TMEM138: variants seen among roughly 807,000 people sequenced by gnomAD.
TMEM138 encodes transmembrane protein 138.
Under a neutral mutation model 18.1 loss-of-function variants are expected in TMEM138, and 9 were observed. The observed-to-expected ratio is 0.50, with a 90% CI of 0.30 to 0.87. The LOEUF (loss-of-function observed/expected upper bound fraction) is 0.87. Among genes scored for constraint, TMEM138 ranks in the 40% least tolerant of loss-of-function variants. The probability of loss-of-function intolerance (pLI) is 0.06; values close to 1 mark genes in which losing one functional copy is unlikely to be tolerated. For synonymous variants in TMEM138, 79 were observed against 74.8 expected, an observed-to-expected ratio of 1.06 and a Z score of -0.29; for missense variants, 189 against 190.6, an observed-to-expected ratio of 0.99 and a Z score of 0.05.
chr11:61,373,157 A>G (rs1016600467), downstream of TMEM138, among the ~76,000 whole-genome samples: 2 of 152,172 alleles, frequency 1.3e-5, no homozygotes, highest in African/African-American at 4.8e-5. Context: ...AATAAACTTC[A>G]TTCCTGAAGC....
downstream of TMEM138, among the ~76,000 whole-genome samples, chr11:61,376,055 A>C (rs970061190): frequency 6.6e-6 from 1 of 152,248 alleles, no homozygotes; most frequent in African/African-American, 2.4e-5. Flanking sequence ...CCTATGTAAA[A>C]AATAATTATT....
downstream of TMEM138, among the ~76,000 whole-genome samples, chr11:61,370,697 G>A (rs1056195197): frequency 6.6e-6 from 1 of 152,170 alleles, no homozygotes; most frequent in Non-Finnish European, 1.5e-5. Context: ...TGGCAGGGTC[G>A]CCAAGCTTTT....
Position 61,362,406 on chromosome 11 carries a change from C to T in TMEM138, c.-154C>T, listed in dbSNP as rs981176061. On this transcript the variant is annotated 5_prime_UTR_variant, in exon 1 of 5. In the 5' UTR this introduces an upstream ATG that the reference lacks. Coordinates refer to ENST00000278826, the MANE Select transcript of TMEM138 (RefSeq NM_016464.5). ...GGGACGATGTCCGCATGACAACCGACGTTGGAGTTTGGAGGTGAGAGTGAT... is the reference window on the plus strand; with the variant it reads ...GGGACGATGTCCGCATGACAACCGATGTTGGAGTTTGGAGGTGAGAGTGAT... 5 of 152,224 alleles carry T rather than the reference C, an allele frequency of 3.3e-5. No individual in the cohort carries two copies. Among genetic ancestry groups the T allele is most frequent in the African/African-American group, 9.6e-5 (4 of 41,454 alleles). 9.4% of individuals were successfully genotyped at this position (152,224 alleles called of 1,614,324 possible).
intron 1 of TMEM138, 22 bp from the exon 2 acceptor site, chr11:61,364,230 G>C (rs539388785): frequency 1.0e-4 from 78 of 754,472 alleles, no homozygotes; most frequent in Non-Finnish European, 1.6e-4. Flanking sequence ...TTCTAACCTT[G>C]CTTATCTTTT....
chr11:61,376,744 C>T (rs1858440902), downstream of TMEM138, among the ~76,000 whole-genome samples: 1 of 152,118 alleles, frequency 6.6e-6, no homozygotes, highest in Non-Finnish European at 1.5e-5. Context: ...GTTGTTCTCC[C>T]TTCCTCCCCC....
chr11:61,365,264 T>C (rs1858100049), intron 2 of TMEM138, among the ~76,000 whole-genome samples: 1 of 151,962 alleles, frequency 6.6e-6, no homozygotes, highest in Non-Finnish European at 1.5e-5. Flanking sequence ...AAACATAATT[T>C]TATTTTTTTT....
intron 4 of TMEM138, 62 bp downstream of exon 4, chr11:61,368,060 C>A: frequency 8.5e-7 from 1 of 1,175,072 alleles, no homozygotes; most frequent in Non-Finnish European, 1.3e-6. Context: ...TCAGTGAGGG[C>A]CTTGATGCTG....
At chr11:61,375,978 G>A (rs182837026), downstream of TMEM138, among the ~76,000 whole-genome samples, 375 of 152,236 alleles carry the variant, frequency 2.5e-3, 4 homozygotes, top group South Asian at 0.036. Flanking sequence ...GGCTGGGCTC[G>A]GCTTTTAAAA....
chr11:61,372,559 G>T (rs376060754), downstream of TMEM138, among the ~76,000 whole-genome samples: 2 of 151,946 alleles, frequency 1.3e-5, no homozygotes, highest in South Asian at 2.1e-4. Flanking sequence ...AAGGCGGGGG[G>T]ATCGTGAAGT....
At chr11:61,366,335 T>G in intron 3 of TMEM138, 119 bp downstream of exon 3, 1 of 1,188,684 alleles carries the variant, frequency 8.4e-7, no homozygotes, top group Non-Finnish European at 1.1e-6. Flanking sequence ...TGCTTCTGCC[T>G]CCCAAGCTCA....
At chr11:61,364,714 A>G in intron 2 of TMEM138, 196 bp downstream of exon 2, 1 of 609,972 alleles carries the variant, frequency 1.6e-6, no homozygotes, top group Non-Finnish European at 2.7e-6. Flanking sequence ...ACATAGCAAG[A>G]CCCTGTCTCT....
downstream of TMEM138, among the ~76,000 whole-genome samples, chr11:61,374,254 TCTC>T (rs1036475408): frequency 2.0e-5 from 3 of 150,764 alleles, no homozygotes; most frequent in African/African-American, 7.3e-5. Context: ...TTCAAGCAAT[TCTC>T]CTGCATCAGC....
chr11:61,362,460 G>A (rs1336825243), intron 1 of TMEM138, 40 bp downstream of exon 1: 4 of 152,314 alleles, frequency 2.6e-5, no homozygotes, highest in Non-Finnish European at 5.9e-5. Flanking sequence ...GTGACCAGAA[G>A]TCAGAATTTT....
At chr11:61,366,329 T>TGAG in intron 3 of TMEM138, 113 bp downstream of exon 3, 1 of 1,237,158 alleles carries the variant, frequency 8.1e-7, no homozygotes, top group Non-Finnish European at 1.1e-6. Context: ...TTCTCCTGCT[T>TGAG]CTGCCTCCCA....
At chr11:61,366,266 G>C in intron 3 of TMEM138, 50 bp downstream of exon 3, 1 of 1,575,406 alleles carries the variant, frequency 6.3e-7, no homozygotes, top group South Asian at 1.2e-5. Flanking sequence ...TTAAATAGAG[G>C]TGGGGTCTTA....
chr11:61,371,219 G>C (rs977419229), downstream of TMEM138, among the ~76,000 whole-genome samples: 1 of 152,072 alleles, frequency 6.6e-6, no homozygotes, highest in Non-Finnish European at 1.5e-5. Flanking sequence ...ATTTTTAGTA[G>C]AGATGGGACT....
At chr11:61,367,901 G>T (rs775369502) in intron 3 of TMEM138, 22 bp from the exon 4 acceptor site, 3 of 1,560,474 alleles carry the variant, frequency 1.9e-6, no homozygotes, top group South Asian at 2.2e-5. Flanking sequence ...ATTAACTTTT[G>T]TGTATCTCAC....
chr11:61,370,911 G>A (rs1470113346), downstream of TMEM138, among the ~76,000 whole-genome samples: 3 of 152,188 alleles, frequency 2.0e-5, no homozygotes, highest in Non-Finnish European at 4.4e-5. Flanking sequence ...CAGTTGGCTA[G>A]CCTGCAGTGA....
chr11:61,374,306 C>G (rs571000735), downstream of TMEM138, among the ~76,000 whole-genome samples: 1 of 151,780 alleles, frequency 6.6e-6, no homozygotes, highest in African/African-American at 2.4e-5. Context: ...CACCACCACA[C>G]CCAGCTAATT....
Sources: gnomAD v4.1 joint callset for allele counts (sites outside exome capture counted in the v4.1 genomes callset) on GRCh38, gnomAD v4.1.1 for gene constraint, MANE v1.5 for transcripts, NCBI Gene and HGNC (gene_info 2026-07-23, HGNC 2026-07-21) for gene names.